The following PTCHD4 variants were observed in gnomAD, a reference collection of about 807,000 sequenced individuals.
PTCHD4 encodes the protein patched domain-containing protein 4.
PTCHD4 carries 33 observed loss-of-function variants against 58.1 expected under a neutral mutation model. That is an observed-to-expected ratio of 0.57 (90% CI 0.43 to 0.76). The LOEUF (loss-of-function observed/expected upper bound fraction) is 0.76, where lower values mean the gene tolerates loss of function less well. Ranked by LOEUF, PTCHD4 falls within the 30% of genes least tolerant of loss-of-function variation. The pLI is 0.00. For synonymous variants in PTCHD4, 478 were observed against 409.6 expected (o/e 1.17, Z -2.02); for missense variants, 1,058 against 1,027.1 (o/e 1.03, Z -0.41).
At chr6:47,996,433 G>A (rs1193477612) in intron 4 of PTCHD4, among the ~76,000 whole-genome samples, 2 of 76,610 alleles carry the variant, frequency 2.6e-5, no homozygotes, top group Admixed American at 1.5e-4. Context: ...CAACATTGCA[G>A]CACTGCTCCC....
At chr6:48,035,339 C>G (rs1049944390) in intron 3 of PTCHD4, among the ~76,000 whole-genome samples, 2 of 152,044 alleles carry the variant, frequency 1.3e-5, no homozygotes, top group Non-Finnish European at 2.9e-5. Flanking sequence ...TGGTATTTCA[C>G]TCTGTTGCAG....
At chr6:48,013,914 A>C (rs561744328) in intron 3 of PTCHD4, among the ~76,000 whole-genome samples, 4 of 152,250 alleles carry the variant, frequency 2.6e-5, no homozygotes, top group Non-Finnish European at 4.4e-5. Context: ...GGTGCTGATA[A>C]TGTATCTGGA....
At chr6:47,986,500 T>C (rs12202136) in intron 4 of PTCHD4, among the ~76,000 whole-genome samples, 22,353 of 152,146 alleles carry the variant, frequency 0.15, 1,889 homozygotes, top group South Asian at 0.25. Context: ...ATCCCAACAT[T>C]CCCTATTGTC....
At position 47,864,515 on chromosome 6, in the gene PTCHD4, G is replaced by A. The variant is rs1416189624; in HGVS notation, c.*13788C>T. 6.6e-6 allele frequency among the ~76,000 whole-genome samples: 1 copy of A among 151,700 alleles called. No individual in the cohort carries two copies. The highest frequency in any genetic ancestry group is 6.6e-5 in the Admixed American group (1 of 15,220). ...TAATAGATAATTACATTTTTTTTGA[G>A]TAAGCTACCTGGTGAAAGCCATGAC... On this transcript the variant is annotated 3_prime_UTR_variant, in exon 5 of 5. Coordinates refer to ENST00000339488, the MANE Select transcript of PTCHD4 (RefSeq NM_001384253.1).
intron 1 of PTCHD4, among the ~76,000 whole-genome samples, chr6:48,091,289 T>C (rs1332259800): frequency 6.6e-6 from 1 of 151,656 alleles, no homozygotes; most frequent in African/African-American, 2.4e-5. Context: ...AAAATAATAA[T>C]AAAATAATAA....
At chr6:47,948,501 A>C (rs899340080) in intron 4 of PTCHD4, among the ~76,000 whole-genome samples, 2 of 152,130 alleles carry the variant, frequency 1.3e-5, no homozygotes, top group African/African-American at 4.8e-5. Context: ...TTGTCCACCA[A>C]ATATACTTTT....
intron 3 of PTCHD4, among the ~76,000 whole-genome samples, chr6:48,031,804 G>T (rs1763454811): frequency 6.6e-6 from 1 of 152,124 alleles, no homozygotes; most frequent in Admixed American, 6.6e-5. Context: ...ATTTGTTTAA[G>T]TATCTCAGAA....
At chr6:47,913,936 C>A (rs535265564) in intron 4 of PTCHD4, among the ~76,000 whole-genome samples, 8 of 152,232 alleles carry the variant, frequency 5.3e-5, no homozygotes, top group Non-Finnish European at 1.2e-4. Flanking sequence ...GATATTAGCA[C>A]ACTCTGTATC....
intron 4 of PTCHD4, among the ~76,000 whole-genome samples, chr6:47,897,716 C>A (rs1459498963): frequency 6.6e-6 from 1 of 152,126 alleles, no homozygotes; most frequent in African/African-American, 2.4e-5. Context: ...ATAAGGATGA[C>A]AGCTTAACTC....
chr6:47,940,236 T>C (rs1581908733), intron 4 of PTCHD4, among the ~76,000 whole-genome samples: 1 of 151,956 alleles, frequency 6.6e-6, no homozygotes, highest in Non-Finnish European at 1.5e-5. Flanking sequence ...ATAATTTCAC[T>C]GGGTAATGTA....
In PTCHD4 at chr6:47,870,878, T is replaced by C. The variant is rs186135737; in HGVS notation, c.*7425A>G. Reference sequence around the variant, plus strand: ...TTTGTACTATTTTGGGAGTGATAAATGAGGCTGTTTTCATGAATGGGATGA... The same window carrying C: ...TTTGTACTATTTTGGGAGTGATAAACGAGGCTGTTTTCATGAATGGGATGA... On this transcript the variant is annotated 3_prime_UTR_variant, in exon 5 of 5. Coordinates refer to ENST00000339488, the MANE Select transcript of PTCHD4 (RefSeq NM_001384253.1). 6.6e-6 allele frequency among the ~76,000 whole-genome samples: 1 copy of C among 151,698 alleles called. No homozygotes were observed. The highest frequency in any genetic ancestry group is 6.6e-5 in the Admixed American group (1 of 15,178).
At position 48,039,415 on chromosome 6, in the gene PTCHD4, A is replaced by G. The variant is rs894721377; in HGVS notation, c.417+28815T>C. Among the ~76,000 whole-genome samples, 3 of 152,106 alleles carry G rather than the reference A, an allele frequency of 2.0e-5. No individual in the cohort carries two copies. In the East Asian group the frequency reaches 5.8e-4, roughly 29 times the overall value. On this transcript the variant is annotated intron_variant, in intron 3 of 4. Coordinates refer to ENST00000339488, the MANE Select transcript of PTCHD4 (RefSeq NM_001384253.1). ...AAAATAAGGGAAAGAGATGGTCACTAAAGTCATACTTCCTTGGTTATTAAC... is the reference window on the plus strand; with the variant it reads ...AAAATAAGGGAAAGAGATGGTCACTGAAGTCATACTTCCTTGGTTATTAAC...
At chr6:48,007,453 G>T (rs1252724062) in intron 4 of PTCHD4, among the ~76,000 whole-genome samples, 2 of 152,132 alleles carry the variant, frequency 1.3e-5, no homozygotes, top group African/African-American at 4.8e-5. Context: ...TTTTAAATTT[G>T]CCAATAAAGC....
chr6:48,079,248 A>T (rs16877036), intron 1 of PTCHD4, among the ~76,000 whole-genome samples: 24,103 of 152,048 alleles, frequency 0.16, 1,954 homozygotes, highest in African/African-American at 0.21. Context: ...CTTATTAAGG[A>T]TGAGTTTCTC....
At chr6:48,060,139 A>T (rs1424918184) in intron 3 of PTCHD4, among the ~76,000 whole-genome samples, 2 of 152,188 alleles carry the variant, frequency 1.3e-5, no homozygotes, top group Non-Finnish European at 2.9e-5. Context: ...ATTGCATGTG[A>T]CTTAGCAGAC....
At chr6:47,914,781 T>TATC (rs1554154049) in intron 4 of PTCHD4, among the ~76,000 whole-genome samples, 108 of 150,466 alleles carry the variant, frequency 7.2e-4, no homozygotes, top group African/African-American at 2.5e-3. Context: ...TCTATCTATC[T>TATC]ATCTATCTAT....
intron 3 of PTCHD4, among the ~76,000 whole-genome samples, chr6:48,050,888 C>T (rs571942362): frequency 6.6e-5 from 10 of 152,128 alleles, no homozygotes; most frequent in African/African-American, 2.2e-4. Flanking sequence ...ATAACAATAT[C>T]TAGATTTTCT....
intron 3 of PTCHD4, among the ~76,000 whole-genome samples, chr6:48,029,835 G>A (rs1763373336): frequency 6.6e-6 from 1 of 152,084 alleles, no homozygotes; most frequent in African/African-American, 2.4e-5. Context: ...TGACCACAGA[G>A]TTTTAAGAAA....
At chr6:47,902,024 TG>T in intron 4 of PTCHD4, 1 of 791,588 alleles carries the variant, frequency 1.3e-6, no homozygotes, top group Non-Finnish European at 1.9e-6. Context: ...GTAAAAACAC[TG>T]GGGAACTGAA....
Sources: allele counts gnomAD v4.1 joint callset (sites outside exome capture counted in the v4.1 genomes callset), GRCh38; gene constraint gnomAD v4.1.1; transcripts MANE v1.5; gene names NCBI Gene and HGNC (gene_info 2026-07-23, HGNC 2026-07-21).